Variants in TSC2 observed in about 807,000 individuals in gnomAD.
The protein encoded by TSC2 is tuberin.
A neutral mutation model predicts 202.2 loss-of-function variants in TSC2; 29 were observed. The observed-to-expected ratio is 0.14, with a 90% confidence interval of 0.11 to 0.20. The LOEUF is 0.20. TSC2 is among the 10% of genes least tolerant of loss of function. TSC2 has a pLI of 1.00. For missense variants in TSC2, 2,429 were observed against 2,420.0 expected (o/e 1.00, Z -0.08); for synonymous variants, 1,349 against 1,044.0 (o/e 1.29, Z -5.63).
Position 2,079,447 on chromosome 16 carries a change from C to G in TSC2, c.3284+19C>G, listed in dbSNP as rs1391837432. 6.2e-7 allele frequency: 1 copy of G among 1,610,222 alleles called. No homozygotes were observed. Among genetic ancestry groups the G allele is most frequent in the Non-Finnish European group, 8.5e-7 (1 of 1,178,554 alleles). On this transcript the variant is annotated intron_variant, in intron 28 of 41. Coordinates refer to ENST00000219476, the MANE Select transcript of TSC2 (RefSeq NM_000548.5). This position sits in a 1 kb window ranked among gnomAD's most constrained non-coding sequence, Gnocchi z 4.6. ...AGTCGAGGTGACTGCACCTTCCTTT[C>G]CTCCGCGCCTGCCAGCCTCGACACC...
chr16:2,081,007 G>A, intron 30 of TSC2: 1 of 175,902 alleles, frequency 5.7e-6, no homozygotes, highest in Admixed American at 5.4e-5. Flanking sequence ...TGTCCTCACA[G>A]GCTCTTTCCT....
In TSC2 at chr16:2,055,386, G is replaced by A. The variant is rs200647260; in HGVS notation, c.482-16G>A. The A allele has an allele frequency of 4.5e-5, 72 of 1,610,550 alleles. 1 individual carries two copies. The highest frequency in any genetic ancestry group is 7.7e-5 in the South Asian group (7 of 90,978). On this transcript the variant is annotated splice_polypyrimidine_tract_variant and intron_variant, in intron 5 of 41. Coordinates refer to ENST00000219476, the MANE Select transcript of TSC2 (RefSeq NM_000548.5). ...AGATTCGGCGTCCTCGCAAACTGCC[G>A]CCGCTTCTCCCCCAGCTGACTTTGT... is the stretch of plus-strand genomic sequence containing the variant.
At chr16:2,074,062 C>T in intron 21 of TSC2, 138 bp from the exon 22 acceptor site, 1 of 1,115,816 alleles carries the variant, frequency 9.0e-7, no homozygotes, top group South Asian at 1.3e-5. Context: ...CTCAGCACTG[C>T]TGGCTCTGCC....
chr16:2,057,275 C>T (rs2085985931), intron 9 of TSC2, 97 bp downstream of exon 9: 5 of 1,419,054 alleles, frequency 3.5e-6, no homozygotes, highest in Non-Finnish European at 4.9e-6. Context: ...CTTAGAGAGT[C>T]CTTGTCCTCT....
intron 30 of TSC2, 200 bp downstream of exon 30, chr16:2,080,577 G>A (rs1019507275): frequency 2.3e-5 from 15 of 642,680 alleles, no homozygotes; most frequent in Non-Finnish European, 3.1e-5. Flanking sequence ...TCCACCTCCC[G>A]GGTTCACGCC....
chr16:2,062,483 T>C lies in TSC2; in HGVS notation c.1258-14T>C. The stretch of plus-strand genomic sequence containing the variant: ...GGAGGGGCAGAGGGGCAACACCGGC[T>C]CTTCTTTTGACAGGAGTCCTCCCTC... On this transcript the variant is annotated splice_polypyrimidine_tract_variant and intron_variant, in intron 12 of 41. Transcript: ENST00000219476. The C allele has an allele frequency of 6.2e-7, 1 of 1,603,582 alleles. No homozygotes were observed. The highest frequency in any genetic ancestry group is 8.5e-7 in the Non-Finnish European group (1 of 1,174,270).
chr16:2,069,240 C>G (rs2087848151), intron 16 of TSC2, among the ~76,000 whole-genome samples: 1 of 152,156 alleles, frequency 6.6e-6, no homozygotes, highest in African/African-American at 2.4e-5. Context: ...ACCCCCACCT[C>G]CACCTCTTTT....
intron 20 of TSC2, 77 bp downstream of exon 20, chr16:2,072,440 A>G: frequency 6.3e-7 from 1 of 1,591,594 alleles, no homozygotes; most frequent in Non-Finnish European, 8.6e-7. Flanking sequence ...CTCTGGGCAG[A>G]GCGAGTGAGA....
chr16:2,053,749 G>C, intron 4 of TSC2: 1 of 580,242 alleles, frequency 1.7e-6, no homozygotes, highest in East Asian at 3.7e-5. Context: ...CTGGCAGCTG[G>C]TGTGGGGCTA....
chr16:2,079,535 G>A lies in TSC2; in HGVS notation c.3285-22G>A, dbSNP rs531229865. On this transcript the variant is annotated intron_variant, in intron 28 of 41. Coordinates refer to ENST00000219476, the MANE Select transcript of TSC2 (RefSeq NM_000548.5). The surrounding 1 kb of genome is among the most constrained non-coding windows in gnomAD (Gnocchi z 4.6). ...CCAGCCTGGGGACTAAGTCCACCCT[G>A]TGCGTGGGATTCTCTTCTCAGCTCC... The A allele has an allele frequency of 8.7e-6, 14 of 1,606,760 alleles. No individual in the cohort carries two copies. The East Asian group carries it at 2.9e-4, about 33-fold the overall frequency.
chr16:2,067,858 G>C (rs897640249), intron 16 of TSC2, among the ~76,000 whole-genome samples: 2 of 152,166 alleles, frequency 1.3e-5, no homozygotes, highest in African/African-American at 4.8e-5. Context: ...GTTGGGAAGG[G>C]GTGTGCTGGG....
intron 7 of TSC2, 131 bp downstream of exon 7, chr16:2,056,375 C>T: frequency 7.7e-7 from 1 of 1,299,626 alleles, no homozygotes; most frequent in Non-Finnish European, 1.1e-6. Context: ...CTCTCTGAGC[C>T]TCAGGAGTCC....
intron 22 of TSC2, chr16:2,074,715 T>C (rs1330025342): frequency 1.2e-5 from 5 of 424,992 alleles, no homozygotes; most frequent in Non-Finnish European, 2.2e-5. Context: ...TTTGTTCGCT[T>C]CCCCCAGACT....
chr16:2,054,413 C>T lies in TSC2; in HGVS notation c.454C>T (p.His152Tyr). The T allele has an allele frequency of 6.2e-7, 1 of 1,614,228 alleles. No individual in the cohort carries two copies. The highest frequency in any genetic ancestry group is 8.5e-7 in the Non-Finnish European group (1 of 1,180,046). ...VFKALTDNGR[H>Y]ITYLEEELAD... The stretch of plus-strand genomic sequence containing the variant: ...CAAGGCCCTCACAGACAATGGGAGA[C>T]ACATCACCTACTTGGAGGAAGAGCT... Residue 152 changes from histidine to tyrosine, a missense_variant, in exon 5 of 42, where the codon CAC (histidine) becomes TAC (tyrosine). His to Tyr is a moderately conservative substitution (Grantham distance 83). Coordinates refer to ENST00000219476, the MANE Select transcript of TSC2 (RefSeq NM_000548.5).
chr16:2,083,655 C>T (rs1431858194), intron 32 of TSC2, 40 bp from the exon 33 acceptor site: 15 of 1,559,014 alleles, frequency 9.6e-6, no homozygotes, highest in Non-Finnish European at 1.2e-5. Flanking sequence ...CAGGGCCTGG[C>T]CCAGCCCCAC....
chr16:2,074,185 T>A lies in TSC2; in HGVS notation c.2356-15T>A, dbSNP rs189674303. The stretch of plus-strand genomic sequence containing the variant: ...CTGCAAGCGGGTGGGGCCTGAGGTG[T>A]CCTGTCTCCTGCAGCGCGAGATGGT... On this transcript the variant is annotated splice_polypyrimidine_tract_variant and intron_variant, in intron 21 of 41. Coordinates refer to ENST00000219476, the MANE Select transcript of TSC2 (RefSeq NM_000548.5). The A allele has an allele frequency of 5.7e-5, 92 of 1,610,442 alleles. No homozygotes were observed. In the Admixed American group the frequency reaches 9.5e-4, roughly 17 times the overall value.
At chr16:2,063,852 G>A (rs1009429834) in intron 14 of TSC2, 7 of 333,040 alleles carry the variant, frequency 2.1e-5, no homozygotes, top group East Asian at 1.5e-4. Context: ...AGCACAGCAC[G>A]CACACACACG....
chr16:2,063,471 A>G, intron 14 of TSC2: 3 of 254,940 alleles, frequency 1.2e-5, no homozygotes, highest in South Asian at 9.5e-5. Flanking sequence ...CTCCCTCTCC[A>G]CTCCCTCCTC....
chr16:2,048,877 C>A, intron 2 of TSC2, 124 bp downstream of exon 2: 1 of 1,411,160 alleles, frequency 7.1e-7, no homozygotes, highest in Non-Finnish European at 1.0e-6. Context: ...ATGCTGTCTC[C>A]AGTACTTGGA....
Sources: allele counts gnomAD v4.1 joint callset (sites outside exome capture counted in the v4.1 genomes callset), GRCh38; gene constraint gnomAD v4.1.1; non-coding constraint Gnocchi (gnomAD v3.1); transcripts MANE v1.5; gene names NCBI Gene and HGNC (gene_info 2026-07-23, HGNC 2026-07-21).